DDX60L: variants seen among roughly 807,000 people sequenced by gnomAD.
DDX60L encodes DExD/H-box 60 like, also known as probable ATP-dependent RNA helicase DDX60-like.
In DDX60L, 191 loss-of-function variants were observed where a neutral mutation model predicts 211.6. The ratio of observed to expected loss-of-function variants is 0.90; its 90% CI spans 0.80 to 1.02. The LOEUF (loss-of-function observed/expected upper bound fraction) is 1.02, where lower values mean the gene tolerates loss of function less well. Among genes scored for constraint, DDX60L ranks in the 50% least tolerant of loss-of-function variants. The pLI, the probability that DDX60L is intolerant of heterozygous loss-of-function variation, is 0.00. For synonymous variants in DDX60L, 706 were observed against 694.1 expected (o/e 1.02, Z -0.27); for missense variants, 2,007 against 1,984.1 (o/e 1.01, Z -0.22).
intron 1 of DDX60L, among the ~76,000 whole-genome samples, chr4:168,479,427 T>G (rs893713492): frequency 6.6e-6 from 1 of 152,150 alleles, no homozygotes; most frequent in South Asian, 2.1e-4. Context: ...GATGTTATGG[T>G]TTGGACTTCT....
intron 30 of DDX60L, among the ~76,000 whole-genome samples, chr4:168,384,125 C>T (rs1579285949): frequency 6.6e-6 from 1 of 152,294 alleles, no homozygotes; most frequent in South Asian, 2.1e-4. Context: ...AGACTGGCTT[C>T]CTTGCTCCTC....
At chr4:168,469,580 T>C (rs1362516661) in intron 4 of DDX60L, 2 of 152,172 alleles carry the variant, frequency 1.3e-5, no homozygotes, top group Non-Finnish European at 2.9e-5. Flanking sequence ...AAGATAGTAC[T>C]AAGAAAACGA....
At chr4:168,470,020 C>A (rs193220982) in intron 4 of DDX60L, 2 of 152,256 alleles carry the variant, frequency 1.3e-5, no homozygotes, top group African/African-American at 2.4e-5. Context: ...TCAAAAGATA[C>A]GAGCAGATGC....
At chr4:168,435,986 GA>G in intron 10 of DDX60L, among the ~76,000 whole-genome samples, 1 of 152,278 alleles carries the variant, frequency 6.6e-6, no homozygotes, top group East Asian at 1.9e-4. Flanking sequence ...AAACTTGTAG[GA>G]GTCCAATTGT....
rs1401492121 is a variant in DDX60L, at chr4:168,375,512, C to T, written c.4498G>A (p.Glu1500Lys). Residue 1500 changes from glutamate (E) to lysine (K), a missense_variant, in exon 34 of 38, where the codon GAA (glutamate) becomes AAA (lysine). Transcript: ENST00000682922. ...GCAGCTTTAAAATCCTCCGGGAGTT[C>T]GGCAAGGATCACCTATGGGCGAAAT... ...SFSQSKVILAELPEDFKAALY... is the reference protein window; with the variant it reads ...SFSQSKVILAKLPEDFKAALY... 3 of 1,608,620 alleles carry T rather than the reference C, an allele frequency of 1.9e-6. No homozygotes were observed. Among genetic ancestry groups the T allele is most frequent in the African/African-American group, 1.3e-5 (1 of 74,752 alleles).
intron 36 of DDX60L, among the ~76,000 whole-genome samples, chr4:168,363,081 A>G (rs555361838): frequency 1.4e-4 from 22 of 152,314 alleles, no homozygotes; most frequent in Admixed American, 4.6e-4. Context: ...AGTCACACAT[A>G]ACGGAATCCT....
chr4:168,429,944 T>A (rs1392196693), intron 13 of DDX60L, among the ~76,000 whole-genome samples: 1 of 152,146 alleles, frequency 6.6e-6, no homozygotes, highest in Non-Finnish European at 1.5e-5. Context: ...ACACCTGTAA[T>A]CCCAGCACTT....
At chr4:168,386,862 T>C (rs1335100559) in intron 29 of DDX60L, among the ~76,000 whole-genome samples, 1 of 152,070 alleles carries the variant, frequency 6.6e-6, no homozygotes, top group Non-Finnish European at 1.5e-5. Flanking sequence ...TTAGATTGAT[T>C]AGGATAAATG....
Position 168,405,988 on chromosome 4 carries a change from C to G in DDX60L, c.3175G>C (p.Glu1059Gln), listed in dbSNP as rs1179280641. 1 of 1,594,708 alleles carries G rather than the reference C, an allele frequency of 6.3e-7. No individual in the cohort carries two copies. The highest frequency in any genetic ancestry group is 1.8e-5 in the Admixed American group (1 of 56,748). The change falls in exon 24 of 38, where the codon GAA becomes CAA. Residue 1059 changes from glutamate to glutamine, a missense_variant. Transcript: ENST00000682922. ...CCATTTTTAATCCAATTTGTCAATT[C>G]TGCCTTTAAGTTTTCTTCATATTTT... ...ARKYEENLKAELTNWIKNGQV... is the reference protein window; with the variant it reads ...ARKYEENLKAQLTNWIKNGQV...
At chr4:168,385,392 C>T (rs982387353) in intron 29 of DDX60L, among the ~76,000 whole-genome samples, 1 of 152,164 alleles carries the variant, frequency 6.6e-6, no homozygotes, top group African/African-American at 2.4e-5. Context: ...TGACCCATAC[C>T]TTGCCCTCAC....
intron 19 of DDX60L, among the ~76,000 whole-genome samples, chr4:168,417,570 G>A (rs1749774396): frequency 6.6e-6 from 1 of 152,028 alleles, no homozygotes; most frequent in South Asian, 2.1e-4. Context: ...AAAACTAACT[G>A]ATTTTTTTTT....
intron 22 of DDX60L, among the ~76,000 whole-genome samples, chr4:168,413,566 A>T (rs1176864530): frequency 3.3e-5 from 5 of 151,988 alleles, no homozygotes; most frequent in Non-Finnish European, 7.4e-5. Context: ...ATTAAAAAGA[A>T]TCAAGCAAAA....
chr4:168,451,095 C>A (rs1172993382), intron 8 of DDX60L, among the ~76,000 whole-genome samples: 1 of 152,010 alleles, frequency 6.6e-6, no homozygotes, highest in Non-Finnish European at 1.5e-5. Flanking sequence ...GATTTTCTAC[C>A]ATCTATCTTC....
intron 35 of DDX60L, among the ~76,000 whole-genome samples, chr4:168,372,525 A>C (rs1435912894): frequency 6.8e-6 from 1 of 146,060 alleles, no homozygotes; most frequent in East Asian, 2.1e-4. Flanking sequence ...CAGGAGTTCA[A>C]GATCAGACTG....
Position 168,472,309 on chromosome 4 carries a change from GGAA to G in DDX60L, c.74+143_74+145del, listed in dbSNP as rs1253058445. On this transcript the variant is annotated intron_variant, in intron 3 of 37. Transcript: ENST00000682922. ...TTCAGTGACAGCTAAGACAACTATA[GGAA>G]GAAGAGTGCGTTCCCATCATCTCCA... The G allele has an allele frequency of 4.7e-6, 3 of 641,798 alleles. No homozygotes were observed. The African/African-American group carries it at 5.5e-5, about 12-fold the overall frequency. 39.8% of individuals were successfully genotyped at this position (641,798 alleles called of 1,614,324 possible).
chr4:168,443,514 G>A (rs943698418), intron 9 of DDX60L, among the ~76,000 whole-genome samples: 2 of 151,888 alleles, frequency 1.3e-5, no homozygotes, highest in Non-Finnish European at 2.9e-5. Flanking sequence ...TCAGATTCAG[G>A]AAATATAGAG....
intron 8 of DDX60L, 133 bp downstream of exon 8, chr4:168,452,991 A>T: frequency 6.4e-6 from 6 of 942,736 alleles, no homozygotes; most frequent in Non-Finnish European, 9.0e-6. Flanking sequence ...ACCAAAAATA[A>T]AAGTTGTTGA....
intron 4 of DDX60L, chr4:168,469,972 C>T (rs1190141881): frequency 6.6e-6 from 1 of 152,096 alleles, no homozygotes; most frequent in Admixed American, 6.6e-5. Context: ...ACTACTACAA[C>T]TCAATATTAA....
At chr4:168,426,464 A>T (rs1284084034) in intron 14 of DDX60L, among the ~76,000 whole-genome samples, 1 of 151,886 alleles carries the variant, frequency 6.6e-6, no homozygotes, top group Non-Finnish European at 1.5e-5. Context: ...GAAATATTTT[A>T]TAATGGGTCT....
Sources: gnomAD v4.1 joint callset for allele counts (sites outside exome capture counted in the v4.1 genomes callset) on GRCh38, gnomAD v4.1.1 for gene constraint, MANE v1.5 for transcripts, NCBI Gene and HGNC (gene_info 2026-07-23, HGNC 2026-07-21) for gene names.